PCSK2: variants seen among roughly 807,000 people sequenced by gnomAD.
PCSK2 encodes neuroendocrine convertase 2.
PCSK2 carries 14 observed loss-of-function variants against 69.7 expected under a neutral mutation model. The observed-to-expected ratio is 0.20, with a 90% CI of 0.13 to 0.31. PCSK2 has a LOEUF of 0.31. Among genes scored for constraint, PCSK2 ranks in the 10% least tolerant of loss-of-function variants. PCSK2 has a pLI of 1.00. For synonymous variants in PCSK2, 307 were observed against 320.7 expected (o/e 0.96, Z 0.46); for missense variants, 544 against 842.5 (o/e 0.65, Z 4.39).
intron 5 of PCSK2, among the ~76,000 whole-genome samples, chr20:17,377,525 T>C (rs940980569): frequency 8.5e-5 from 13 of 152,272 alleles, no homozygotes; most frequent in African/African-American, 3.1e-4. Context: ...ACTCAGATGT[T>C]ATGAAGTATT....
chr20:17,298,492 C>T (rs2123082411), intron 2 of PCSK2, among the ~76,000 whole-genome samples: 1 of 152,188 alleles, frequency 6.6e-6, no homozygotes, highest in Non-Finnish European at 1.5e-5. Context: ...GGACAGAGTC[C>T]ACAACAAAGA....
At chr20:17,437,280 G>C (rs533423532) in intron 8 of PCSK2, among the ~76,000 whole-genome samples, 27 of 152,206 alleles carry the variant, frequency 1.8e-4, no homozygotes, top group Non-Finnish European at 3.5e-4. Flanking sequence ...GCGCACACAG[G>C]GCGGTAGATC....
intron 2 of PCSK2, among the ~76,000 whole-genome samples, chr20:17,315,494 C>T (rs1213563926): frequency 1.3e-5 from 2 of 152,188 alleles, no homozygotes; most frequent in African/African-American, 4.8e-5. Flanking sequence ...GGAAAGCGTC[C>T]CGGTGCACAG....
chr20:17,418,964 G>C (rs1016386729), intron 6 of PCSK2, among the ~76,000 whole-genome samples: 4 of 152,214 alleles, frequency 2.6e-5, no homozygotes, highest in African/African-American at 9.6e-5. Context: ...CACAGGAAAA[G>C]GCAGCGGCTG....
chr20:17,272,003 T>C (rs1987888508), intron 2 of PCSK2, among the ~76,000 whole-genome samples: 1 of 152,140 alleles, frequency 6.6e-6, no homozygotes, highest in Admixed American at 6.5e-5. Flanking sequence ...ATTCCAAAGC[T>C]ACTTCCTTGT....
At chr20:17,321,982 C>A (rs959711993) in intron 2 of PCSK2, among the ~76,000 whole-genome samples, 9 of 151,968 alleles carry the variant, frequency 5.9e-5, no homozygotes, top group African/African-American at 2.2e-4. Context: ...TGCTACAGTA[C>A]CTGGCATTTA....
At chr20:17,409,799 G>A (rs1363551697) in intron 6 of PCSK2, among the ~76,000 whole-genome samples, 2 of 152,178 alleles carry the variant, frequency 1.3e-5, no homozygotes, top group Non-Finnish European at 2.9e-5. Context: ...GTGATTGGCA[G>A]AGGTTTGAAG....
chr20:17,260,626 G>C (rs1397592504), intron 2 of PCSK2, among the ~76,000 whole-genome samples: 1 of 152,108 alleles, frequency 6.6e-6, no homozygotes, highest in Non-Finnish European at 1.5e-5. Context: ...GAGGACTTCG[G>C]GTTGCCTGGG....
At chr20:17,275,221 A>G (rs1210147529) in intron 2 of PCSK2, among the ~76,000 whole-genome samples, 1 of 151,946 alleles carries the variant, frequency 6.6e-6, no homozygotes, top group Non-Finnish European at 1.5e-5. Context: ...TAAAAGAAGT[A>G]GGCTTTTCCA....
intron 11 of PCSK2, among the ~76,000 whole-genome samples, chr20:17,468,054 A>G (rs1456980407): frequency 7.9e-6 from 1 of 126,706 alleles, no homozygotes; most frequent in Non-Finnish European, 1.7e-5. Context: ...GCTGCCTACC[A>G]TAGGTAAGCA....
intron 10 of PCSK2, among the ~76,000 whole-genome samples, chr20:17,458,251 T>C (rs2032956789): frequency 6.6e-6 from 1 of 151,924 alleles, no homozygotes; most frequent in South Asian, 2.1e-4. Context: ...TGCAAGTGAT[T>C]TATTAAGGAA....
At chr20:17,481,411 A>AAAAAAG (rs2033398334) in intron 11 of PCSK2, among the ~76,000 whole-genome samples, 173 bp from the exon 12 acceptor site, 1 of 108,416 alleles carries the variant, frequency 9.2e-6, no homozygotes, top group Admixed American at 9.5e-5. Context: ...AAAAAAAAAA[A>AAAAAAG]AAAGAGATAA....
rs964946792 is a variant in PCSK2 at position 17,425,297 on chromosome 20, T to G, written c.621-4138T>G. On this transcript the variant is annotated intron_variant, in intron 6 of 11. Transcript: ENST00000262545. ...CATTCACCATTAAAAGACCCACTTCTACACACCAGCCTCAAAGTGCGCATT... is the reference window on the plus strand; with the variant it reads ...CATTCACCATTAAAAGACCCACTTCGACACACCAGCCTCAAAGTGCGCATT... 2.0e-5 allele frequency among the ~76,000 whole-genome samples: 3 copies of G among 152,246 alleles called. No homozygotes were observed. In the South Asian group the frequency reaches 6.2e-4, roughly 32 times the overall value.
rs1184873988 is a variant in PCSK2 at position 17,235,311 on chromosome 20, C to T, written c.177+7829C>T. ...GACTGTTACAGCGTATTGGCAGTTTCTCCATTAGAAAATTGACAAGAATGG... is the reference window on the plus strand; with the variant it reads ...GACTGTTACAGCGTATTGGCAGTTTTTCCATTAGAAAATTGACAAGAATGG... On this transcript the variant is annotated intron_variant, in intron 1 of 11. Coordinates refer to ENST00000262545, the MANE Select transcript of PCSK2 (RefSeq NM_002594.5). 3.3e-5 allele frequency among the ~76,000 whole-genome samples: 5 copies of T among 152,262 alleles called. No homozygotes were observed. In the East Asian group the frequency reaches 9.7e-4, roughly 29 times the overall value.
At chr20:17,263,776 T>C (rs1379470313) in intron 2 of PCSK2, among the ~76,000 whole-genome samples, 1 of 152,176 alleles carries the variant, frequency 6.6e-6, no homozygotes, top group Non-Finnish European at 1.5e-5. Flanking sequence ...TCTGCCTTCT[T>C]CCTAATCATA....
chr20:17,376,969 C>T (rs559781754), intron 5 of PCSK2, among the ~76,000 whole-genome samples: 1 of 152,298 alleles, frequency 6.6e-6, no homozygotes, highest in Non-Finnish European at 1.5e-5. Context: ...CTGTGTAATT[C>T]CTAGTTCTCA....
intron 11 of PCSK2, among the ~76,000 whole-genome samples, chr20:17,478,624 C>T (rs6131960): frequency 0.13 from 19,192 of 152,134 alleles, 1,161 homozygotes; most frequent in East Asian, 0.15. Context: ...TTGTGTACAA[C>T]TAAGTGAGGG....
At chr20:17,325,641 C>T (rs1274955242) in intron 2 of PCSK2, among the ~76,000 whole-genome samples, 1 of 152,252 alleles carries the variant, frequency 6.6e-6, no homozygotes, top group African/African-American at 2.4e-5. Context: ...GGTTATTGTC[C>T]ATTCATCTAG....
chr20:17,436,064 C>T (rs1316602930), intron 7 of PCSK2, among the ~76,000 whole-genome samples: 1 of 152,244 alleles, frequency 6.6e-6, no homozygotes, highest in African/African-American at 2.4e-5. Flanking sequence ...GAGAGGAACA[C>T]AAACTTTACA....
Sources: allele counts gnomAD v4.1 joint callset (sites outside exome capture counted in the v4.1 genomes callset), GRCh38; gene constraint gnomAD v4.1.1; transcripts MANE v1.5; gene names NCBI Gene and HGNC (gene_info 2026-07-23, HGNC 2026-07-21).